The following DAPK1 variants were observed in gnomAD, a reference collection of about 807,000 sequenced individuals.
DAPK1 encodes death-associated protein kinase 1.
DAPK1 carries 56 observed loss-of-function variants against 144.9 expected under a neutral mutation model. The observed-to-expected ratio is 0.39, with a 90% CI of 0.31 to 0.48. The LOEUF (loss-of-function observed/expected upper bound fraction) is 0.48, where lower values mean the gene tolerates loss of function less well. Among genes scored for constraint, DAPK1 ranks in the 20% least tolerant of loss-of-function variants. The pLI, the probability that DAPK1 is intolerant of heterozygous loss-of-function variation, is 0.95. For missense variants in DAPK1, 1,454 were observed against 1,875.4 expected (o/e 0.78, Z 4.15); for synonymous variants, 690 against 749.0 (o/e 0.92, Z 1.29).
intron 11 of DAPK1, among the ~76,000 whole-genome samples, chr9:87,644,355 G>T (rs539659961): frequency 1.3e-5 from 2 of 152,112 alleles, no homozygotes; most frequent in African/African-American, 4.8e-5. Context: ...TCCAGACAAG[G>T]CAGCCACGGT....
intron 2 of DAPK1, among the ~76,000 whole-genome samples, chr9:87,562,835 A>C (rs1401143077): frequency 6.6e-6 from 1 of 152,256 alleles, no homozygotes; most frequent in Admixed American, 6.5e-5. Flanking sequence ...GTCTGCTGCT[A>C]TTGCAGAGCA....
chr9:87,692,952 CTTTTTTTTTTTTTTTTTTTTTTTTTT>C (rs61324273), intron 21 of DAPK1, among the ~76,000 whole-genome samples: 15 of 26,380 alleles, frequency 5.7e-4, no homozygotes, highest in East Asian at 1.3e-3. Context: ...AGTGACTAGA[CTTTTTTTTTTTTTTTTTTTTTTTTTT>C]TTTTTTTTTT....
At chr9:87,508,258 C>T (rs1392330027) in intron 2 of DAPK1, among the ~76,000 whole-genome samples, 1 of 152,026 alleles carries the variant, frequency 6.6e-6, no homozygotes, top group East Asian at 1.9e-4. Context: ...GTGATCTGCC[C>T]TCCTCGGTCT....
intron 22 of DAPK1, 106 bp from the exon 23 acceptor site, chr9:87,698,550 G>A: frequency 1.4e-6 from 1 of 717,164 alleles, no homozygotes; most frequent in South Asian, 1.6e-5. Flanking sequence ...ACTTGTACCT[G>A]GAGAGTCGGC....
At chr9:87,560,905 A>G (rs1826891102) in intron 2 of DAPK1, among the ~76,000 whole-genome samples, 1 of 151,990 alleles carries the variant, frequency 6.6e-6, no homozygotes, top group South Asian at 2.1e-4. Context: ...ACCTCAGGTG[A>G]TCCACCCACC....
chr9:87,690,049 T>TG (rs1825002220), intron 21 of DAPK1, among the ~76,000 whole-genome samples: 1 of 152,176 alleles, frequency 6.6e-6, no homozygotes, highest in Non-Finnish European at 1.5e-5. Context: ...AAAATGACAT[T>TG]GGTATTTTGA....
At chr9:87,622,113 T>G (rs1829316520) in intron 3 of DAPK1, among the ~76,000 whole-genome samples, 1 of 151,828 alleles carries the variant, frequency 6.6e-6, no homozygotes, top group Non-Finnish European at 1.5e-5. Flanking sequence ...TTCTAAAAGG[T>G]CTCTGGGAAC....
chr9:87,534,305 C>A (rs1316553358), intron 2 of DAPK1, among the ~76,000 whole-genome samples: 1 of 147,958 alleles, frequency 6.8e-6, no homozygotes, highest in Non-Finnish European at 1.5e-5. Flanking sequence ...TTTGGCTTGA[C>A]AGTTTTGAAA....
chr9:87,525,514 A>G (rs1587687496), intron 2 of DAPK1: 1 of 1,191,448 alleles, frequency 8.4e-7, no homozygotes, highest in East Asian at 2.4e-5. Flanking sequence ...GCATATACTC[A>G]ATGAAAAACC....
Position 87,660,332 on chromosome 9 carries a change from C to T in DAPK1, c.1923+2205C>T, listed in dbSNP as rs561659781. 8.4e-4 allele frequency among the ~76,000 whole-genome samples: 128 copies of T among 152,088 alleles called. 1 individual carries two copies. The highest frequency in any genetic ancestry group is 1.5e-3 in the Non-Finnish European group (102 of 67,968). On this transcript the variant is annotated intron_variant, in intron 18 of 25. Coordinates refer to ENST00000408954, the MANE Select transcript of DAPK1 (RefSeq NM_004938.4). ...GACTGGAGGGCATTACTGGGGGCGT[C>T]GCCCTCAGAAACGTGACCACACCAC...
At chr9:87,510,958 C>T (rs1429467684) in intron 2 of DAPK1, among the ~76,000 whole-genome samples, 1 of 152,194 alleles carries the variant, frequency 6.6e-6, no homozygotes, top group African/African-American at 2.4e-5. Flanking sequence ...GAGGTGGACG[C>T]TATTTAACAA....
chr9:87,647,950 A>T (rs755981102), intron 14 of DAPK1, among the ~76,000 whole-genome samples: 1 of 152,366 alleles, frequency 6.6e-6, no homozygotes, highest in Non-Finnish European at 1.5e-5. Flanking sequence ...AATCCTGTGA[A>T]TTAATTGGCT....
rs36211015 is a variant in DAPK1 at position 87,637,469 on chromosome 9, C to G, written c.285-474C>G. Among the ~76,000 whole-genome samples the G allele has an allele frequency of 5.5e-4, 83 of 152,268 alleles. No homozygotes were observed. The East Asian group carries it at 0.013, about 23-fold the overall frequency. ...AGACAAGAGAGGAAAAAACCCTTATCAGACCATATATTGTGAATTTGAGTT... is the reference window on the plus strand; with the variant it reads ...AGACAAGAGAGGAAAAAACCCTTATGAGACCATATATTGTGAATTTGAGTT... On this transcript the variant is annotated intron_variant, in intron 3 of 25. Transcript: ENST00000408954.
intron 4 of DAPK1, among the ~76,000 whole-genome samples, chr9:87,638,674 G>T (rs1829985648): frequency 6.6e-6 from 1 of 152,196 alleles, no homozygotes; most frequent in African/African-American, 2.4e-5. Context: ...GGAAGAGGTG[G>T]TCTGGTAAAG....
intron 22 of DAPK1, 138 bp from the exon 23 acceptor site, chr9:87,698,518 C>T: frequency 1.5e-6 from 1 of 671,264 alleles, no homozygotes; most frequent in Non-Finnish European, 2.7e-6. Context: ...GGCGTGGGGC[C>T]TTCATCTCTG....
At chr9:87,573,276 C>T (rs35413293) in intron 2 of DAPK1, among the ~76,000 whole-genome samples, 41,158 of 152,084 alleles carry the variant, frequency 0.27, 5,915 homozygotes, top group East Asian at 0.48. Flanking sequence ...GAATGAGCTT[C>T]CTTTCCTACC....
rs140281098 is a variant in DAPK1, at chr9:87,508,694, A to T, written c.62+9555A>T. On this transcript the variant is annotated intron_variant, in intron 2 of 25. Coordinates refer to ENST00000408954, the MANE Select transcript of DAPK1 (RefSeq NM_004938.4). ...CTACAACCCCTGACACCTGACCCAC[A>T]GTATAGAATTTTCCAGGTGAAAAAG... 5.4e-3 allele frequency among the ~76,000 whole-genome samples: 829 copies of T among 152,316 alleles called. 4 individuals are homozygous for T. Among genetic ancestry groups the T allele is most frequent in the Non-Finnish European group, 1.0e-2 (679 of 68,026 alleles).
chr9:87,596,768 G>T (rs1828333725), intron 2 of DAPK1, among the ~76,000 whole-genome samples: 1 of 152,216 alleles, frequency 6.6e-6, no homozygotes, highest in Non-Finnish European at 1.5e-5. Context: ...AGATTCTTCA[G>T]TGCTGTTCTG....
At chr9:87,610,641 G>T (rs982903680) in intron 3 of DAPK1, among the ~76,000 whole-genome samples, 1 of 152,216 alleles carries the variant, frequency 6.6e-6, no homozygotes, top group Non-Finnish European at 1.5e-5. Context: ...GCCCTTAGGG[G>T]CTAGGCATAC....
Sources: allele counts gnomAD v4.1 joint callset (sites outside exome capture counted in the v4.1 genomes callset), GRCh38; gene constraint gnomAD v4.1.1; transcripts MANE v1.5; gene names NCBI Gene and HGNC (gene_info 2026-07-23, HGNC 2026-07-21).